The following SYT14 variants were observed in gnomAD, a reference collection of about 807,000 sequenced individuals.
SYT14 encodes the protein synaptotagmin-14.
A neutral mutation model predicts 74.2 loss-of-function variants in SYT14; 32 were observed. That is an observed-to-expected ratio of 0.43 (90% confidence interval 0.33 to 0.58). The LOEUF (loss-of-function observed/expected upper bound fraction) is 0.58. Ranked by LOEUF, SYT14 falls within the 20% of genes least tolerant of loss-of-function variation. The pLI is 0.05. For synonymous variants in SYT14, 298 were observed against 337.7 expected (o/e 0.88, Z 1.29); for missense variants, 791 against 981.8 (o/e 0.81, Z 2.60).
At chr1:209,946,828 C>T (rs2078830477) in intron 1 of SYT14, among the ~76,000 whole-genome samples, 1 of 152,178 alleles carries the variant, frequency 6.6e-6, no homozygotes, top group African/African-American at 2.4e-5. Flanking sequence ...CAATGCCTGG[C>T]TTCAAAGCTT....
At chr1:209,938,275 A>G in exon 1 of SYT14, 2 of 1,561,920 alleles carry the variant, frequency 1.3e-6, no homozygotes, top group South Asian at 1.1e-5. Flanking sequence ...ATGGCGATTG[A>G]AGGTAAGTGG....
intron 5 of SYT14, among the ~76,000 whole-genome samples, chr1:210,088,167 G>A (rs190895106): frequency 6.7e-4 from 98 of 145,786 alleles, no homozygotes; most frequent in Non-Finnish European, 2.3e-4. Context: ...GATTTAATTT[G>A]CTGTTTTTGT....
intron 7 of SYT14, among the ~76,000 whole-genome samples, chr1:210,132,388 T>C (rs1465433850): frequency 6.6e-6 from 1 of 152,056 alleles, no homozygotes; most frequent in African/African-American, 2.4e-5. Context: ...TTGGACATAA[T>C]TGATTTTTTT....
chr1:210,119,556 T>C (rs998347772), intron 7 of SYT14, among the ~76,000 whole-genome samples: 4 of 152,180 alleles, frequency 2.6e-5, no homozygotes, highest in African/African-American at 9.7e-5. Context: ...CAGAAAGATA[T>C]CTATTTGAAA....
At chr1:209,948,764 T>G (rs2078862285) in intron 1 of SYT14, among the ~76,000 whole-genome samples, 1 of 152,238 alleles carries the variant, frequency 6.6e-6, no homozygotes, top group African/African-American at 2.4e-5. Context: ...TATAAAATTA[T>G]GAACTAGACA....
At chr1:210,027,205 A>G (rs1372309191) in intron 5 of SYT14, among the ~76,000 whole-genome samples, 1 of 152,164 alleles carries the variant, frequency 6.6e-6, no homozygotes, top group Non-Finnish European at 1.5e-5. Context: ...TAAGAAAATT[A>G]TAAGGGGACT....
chr1:210,011,362 C>T (rs2080083119), intron 2 of SYT14, among the ~76,000 whole-genome samples: 1 of 152,126 alleles, frequency 6.6e-6, no homozygotes. Context: ...TCATTTTCTT[C>T]CCTGGCTGTG....
chr1:209,994,797 A>G (rs780030031), intron 2 of SYT14, among the ~76,000 whole-genome samples: 3 of 152,224 alleles, frequency 2.0e-5, no homozygotes. Context: ...ACCTCTCAGT[A>G]GAAACCTCAC....
intron 5 of SYT14, among the ~76,000 whole-genome samples, chr1:210,070,678 G>A (rs1314337129): frequency 6.6e-6 from 1 of 152,092 alleles, no homozygotes; most frequent in Admixed American, 6.6e-5. Context: ...CATTTACTGG[G>A]AAAGACAGGT....
chr1:210,118,248 A>G (rs1341070207), intron 7 of SYT14, among the ~76,000 whole-genome samples: 1 of 152,206 alleles, frequency 6.6e-6, no homozygotes, highest in African/African-American at 2.4e-5. Flanking sequence ...GAAAGAGGGG[A>G]TAAAATAGTG....
chr1:210,051,958 T>G (rs2081004909), intron 5 of SYT14, among the ~76,000 whole-genome samples: 1 of 152,210 alleles, frequency 6.6e-6, no homozygotes, highest in South Asian at 2.1e-4. Flanking sequence ...TAGAAGATTG[T>G]TGGATTTCTT....
intron 5 of SYT14, among the ~76,000 whole-genome samples, chr1:210,093,227 A>C (rs966015338): frequency 2.0e-5 from 3 of 152,036 alleles, no homozygotes; most frequent in Non-Finnish European, 4.4e-5. Flanking sequence ...AATGAAGCTT[A>C]TAGTTCTTAT....
At chr1:210,018,321 A>G (rs2080230310) in intron 4 of SYT14, among the ~76,000 whole-genome samples, 1 of 151,964 alleles carries the variant, frequency 6.6e-6, no homozygotes, top group African/African-American at 2.4e-5. Context: ...TTTCATAAAG[A>G]TAGGGTTTCA....
intron 7 of SYT14, among the ~76,000 whole-genome samples, chr1:210,109,915 C>T (rs1174661930): frequency 6.6e-6 from 1 of 152,182 alleles, no homozygotes; most frequent in Non-Finnish European, 1.5e-5. Flanking sequence ...GGCACATACA[C>T]ACCATGGAAT....
At chr1:210,022,192 T>C (rs985971417) in intron 5 of SYT14, among the ~76,000 whole-genome samples, 1 of 152,234 alleles carries the variant, frequency 6.6e-6, no homozygotes, top group Non-Finnish European at 1.5e-5. Flanking sequence ...CTTAAAGTTT[T>C]ATCCCAGCAT....
intron 7 of SYT14, among the ~76,000 whole-genome samples, chr1:210,123,122 G>C (rs2082500675): frequency 6.6e-6 from 1 of 152,162 alleles, no homozygotes; most frequent in Non-Finnish European, 1.5e-5. Context: ...ATGCAAGAAA[G>C]AGTTTATTTT....
At chr1:210,129,797 G>A (rs1166937645) in intron 7 of SYT14, among the ~76,000 whole-genome samples, 1 of 152,064 alleles carries the variant, frequency 6.6e-6, no homozygotes, top group Non-Finnish European at 1.5e-5. Context: ...CCCTGAAAAC[G>A]GTGATTCTCA....
At chr1:209,989,231 G>A (rs1016062862) in intron 2 of SYT14, among the ~76,000 whole-genome samples, 9 of 152,104 alleles carry the variant, frequency 5.9e-5, no homozygotes, top group Non-Finnish European at 1.0e-4. Flanking sequence ...TTAGAATGGG[G>A]TCATTTTTGG....
exon 4 of SYT14, chr1:210,016,416 C>G: frequency 8.1e-7 from 1 of 1,231,980 alleles, no homozygotes; most frequent in Non-Finnish European, 1.0e-6. Context: ...ACTGGTAATA[C>G]TGGTGATTCT....
Sources: gnomAD v4.1 joint callset for allele counts (sites outside exome capture counted in the v4.1 genomes callset) on GRCh38, gnomAD v4.1.1 for gene constraint, MANE v1.5 for transcripts, NCBI Gene and HGNC (gene_info 2026-07-23, HGNC 2026-07-21) for gene names.